IL10: variants seen among roughly 807,000 people sequenced by gnomAD.
The protein encoded by IL10 is interleukin-10.
IL10 carries 7 observed loss-of-function variants against 21.0 expected under a neutral mutation model. The ratio of observed to expected loss-of-function variants is 0.33; its 90% CI spans 0.19 to 0.63. The LOEUF (loss-of-function observed/expected upper bound fraction) is 0.63, where lower values mean the gene tolerates loss of function less well. Ranked by LOEUF, IL10 falls within the 20% of genes least tolerant of loss-of-function variation. IL10 has a pLI of 0.77. For synonymous variants in IL10, 83 were observed against 79.7 expected (o/e 1.04, Z -0.22); for missense variants, 161 against 213.0 (o/e 0.76, Z 1.52).
At chr1:206,770,542 G>A (rs942559271) in intron 3 of IL10, 1 of 328,758 alleles carries the variant, frequency 3.0e-6, no homozygotes, top group Non-Finnish European at 5.8e-6. Context: ...GGTGAATGAT[G>A]TTTCCTCTGC....
intron 4 of IL10, among the ~76,000 whole-genome samples, 182 bp from the exon 5 acceptor site, chr1:206,768,910 A>G (rs79782619): frequency 5.2e-4 from 79 of 152,200 alleles, no homozygotes; most frequent in Admixed American, 3.3e-3. Flanking sequence ...ATTGACCTTC[A>G]TCTCCTCCAG....
At position 206,772,295 on chromosome 1, in the gene IL10, G is replaced by A; in HGVS notation, c.141C>T (p.Ala47=). Residue 47 remains alanine, a synonymous_variant, in exon 1 of 5, where the codon GCC becomes GCT. Coordinates refer to ENST00000423557, the MANE Select transcript of IL10 (RefSeq NM_000572.3). The part of the protein sequence containing the change: ...LPNMLRDLRD[A]FSRVKTFFQM... ...CAAAGAAAGTCTTCACTCTGCTGAA[G>A]GCATCTCGGAGATCTCGAAGCATGT... The A allele has an allele frequency of 1.2e-6, 2 of 1,614,152 alleles. No individual in the cohort carries two copies. Among genetic ancestry groups the A allele is most frequent in the African/African-American group, 1.3e-5 (1 of 75,044 alleles).
At chr1:206,768,764 CTT>C in intron 4 of IL10, 36 bp from the exon 5 acceptor site, 1 of 1,323,768 alleles carries the variant, frequency 7.6e-7, no homozygotes, top group Non-Finnish European at 1.1e-6. Context: ...AGTTAAAATC[CTT>C]TCTGGGGACT....
chr1:206,770,513 A>G (rs1458790520), intron 3 of IL10: 3 of 276,974 alleles, frequency 1.1e-5, no homozygotes, highest in Non-Finnish European at 1.4e-5. Flanking sequence ...TTTGCTTTCA[A>G]AACATTGAGA....
chr1:206,770,541 T>C (rs1366617622), intron 3 of IL10: 4 of 327,872 alleles, frequency 1.2e-5, no homozygotes, highest in Non-Finnish European at 2.3e-5. Flanking sequence ...AGGTGAATGA[T>C]GTTTCCTCTG....
intron 2 of IL10, 62 bp downstream of exon 2, chr1:206,771,294 G>T: frequency 6.9e-7 from 1 of 1,447,728 alleles, no homozygotes; most frequent in Non-Finnish European, 9.7e-7. Context: ...CAATCAGGAA[G>T]CAGAGTCTCC....
chr1:206,771,283 G>T, intron 2 of IL10, 73 bp downstream of exon 2: 2 of 1,381,006 alleles, frequency 1.4e-6, no homozygotes, highest in Non-Finnish European at 2.1e-6. Flanking sequence ...CCAATTCCCT[G>T]CAATCAGGAA....
intron 1 of IL10, 82 bp downstream of exon 1, chr1:206,772,189 G>A: frequency 4.8e-6 from 6 of 1,244,128 alleles, no homozygotes; most frequent in East Asian, 2.3e-5. Flanking sequence ...AGGCGCAGGA[G>A]GAGGGTTCTT....
intron 1 of IL10, 108 bp from the exon 2 acceptor site, chr1:206,771,523 G>C (rs1475272667): frequency 1.1e-6 from 1 of 894,624 alleles, no homozygotes; most frequent in Non-Finnish European, 1.8e-6. Flanking sequence ...AATAAAATTG[G>C]CTCTGGCCCA....
intron 4 of IL10, 78 bp downstream of exon 4, chr1:206,769,751 C>A: frequency 1.7e-6 from 2 of 1,143,800 alleles, no homozygotes; most frequent in Non-Finnish European, 2.7e-6. Context: ...TGAGTCCCCA[C>A]CACCTTCCAT....
chr1:206,769,984 G>A (rs1055534060), intron 3 of IL10, 90 bp from the exon 4 acceptor site: 3 of 1,026,936 alleles, frequency 2.9e-6, no homozygotes, highest in Non-Finnish European at 4.6e-6. Context: ...ATCATGAGGA[G>A]GCCAGATTTA....
At chr1:206,771,594 A>C (rs1015537900) in intron 1 of IL10, among the ~76,000 whole-genome samples, 179 bp from the exon 2 acceptor site, 23 of 152,180 alleles carry the variant, frequency 1.5e-4, no homozygotes, top group African/African-American at 5.1e-4. Context: ...CCATCACTTA[A>C]ATCAGGTCCT....
chr1:206,772,251 C>T lies in IL10; in HGVS notation c.165+20G>A, dbSNP rs749899175. 21 of 1,609,910 alleles carry T rather than the reference C, an allele frequency of 1.3e-5. No individual in the cohort carries two copies. Among genetic ancestry groups the T allele is most frequent in the Non-Finnish European group, 1.7e-5 (20 of 1,176,394 alleles). Reference sequence around the variant, plus strand: ...GGCAGTCCCAGGAAGAGAGAAAGGACAGGAAGGAATCATACTCACAAAGAA... The same window carrying T: ...GGCAGTCCCAGGAAGAGAGAAAGGATAGGAAGGAATCATACTCACAAAGAA... On this transcript the variant is annotated intron_variant, in intron 1 of 4. Coordinates refer to ENST00000423557, the MANE Select transcript of IL10 (RefSeq NM_000572.3).
chr1:206,770,733 G>A (rs869277252), intron 3 of IL10, among the ~76,000 whole-genome samples, 174 bp downstream of exon 3: 1 of 152,094 alleles, frequency 6.6e-6, no homozygotes, highest in Non-Finnish European at 1.5e-5. Flanking sequence ...CACCCCCAAC[G>A]CCTGCTCAAA....
intron 3 of IL10, 75 bp from the exon 4 acceptor site, chr1:206,769,969 G>C (rs997528888): frequency 1.6e-6 from 2 of 1,244,472 alleles, no homozygotes; most frequent in Admixed American, 1.7e-5. Flanking sequence ...GGACAAGCTG[G>C]TGGCATCATG....
rs754655534 is a variant in IL10 at position 206,768,633 on chromosome 1, GT to G, written c.*2del. 2 of 1,555,890 alleles carry G rather than the reference GT, an allele frequency of 1.3e-6. No individual in the cohort carries two copies. Among genetic ancestry groups the G allele is most frequent in the Admixed American group, 3.3e-5 (2 of 59,936 alleles). On this transcript the variant is annotated 3_prime_UTR_variant, in exon 5 of 5. Transcript: ENST00000423557. ...GAGTCTATAGAGTCGCCACCCTGAT[GT>G]CTCAGTTTCGTATCTTCATTGTCAT...
intron 3 of IL10, among the ~76,000 whole-genome samples, chr1:206,770,135 C>T (rs369896092): frequency 3.8e-4 from 58 of 152,290 alleles, no homozygotes; most frequent in Middle Eastern, 6.8e-3. Context: ...ATTCCTTCCT[C>T]CCCCAGAACT....
At position 206,772,325 on chromosome 1, in the gene IL10, C is replaced by G. The variant is rs753414785; in HGVS notation, c.111G>C (p.Leu37=). Residue 37 remains leucine, a synonymous_variant, in exon 1 of 5, where the codon CTG becomes CTC. Coordinates refer to ENST00000423557, the MANE Select transcript of IL10 (RefSeq NM_000572.3). ...CTCGGAGATCTCGAAGCATGTTAGG[C>G]AGGTTGCCTGGGAAGTGGGTGCAGC... ...ENSCTHFPGN[L]PNMLRDLRDA... is the part of the protein sequence containing the mutation. 18 of 1,614,070 alleles carry G rather than the reference C, an allele frequency of 1.1e-5. 1 individual carries two copies. In the South Asian group the frequency reaches 2.0e-4, roughly 18 times the overall value.
In IL10 at chr1:206,770,958, C is replaced by T. The variant is rs750441744; in HGVS notation, c.327G>A (p.Val109=). 2.5e-6 allele frequency: 4 copies of T among 1,614,038 alleles called. No individual in the cohort carries two copies. In the African/African-American group the frequency reaches 4.0e-5, roughly 16 times the overall value. Residue 109 remains valine (V), a synonymous_variant, in exon 3 of 5, where the codon GTG becomes GTA. Coordinates refer to ENST00000423557, the MANE Select transcript of IL10 (RefSeq NM_000572.3). The part of the protein sequence containing the change: ...ENQDPDIKAH[V]NSLGENLKTL... ...TCTTCAGGTTCTCCCCCAGGGAGTTCACATGCGCCTTGATGTCTGGGTCTT... is the reference window on the plus strand; with the variant it reads ...TCTTCAGGTTCTCCCCCAGGGAGTTTACATGCGCCTTGATGTCTGGGTCTT...
Sources: allele counts gnomAD v4.1 joint callset (sites outside exome capture counted in the v4.1 genomes callset), GRCh38; gene constraint gnomAD v4.1.1; transcripts MANE v1.5; gene names NCBI Gene and HGNC (gene_info 2026-07-23, HGNC 2026-07-21).